The following SPAG16 variants were observed in gnomAD, a reference collection of about 807,000 sequenced individuals.
SPAG16 encodes the protein sperm-associated antigen 16 protein.
A neutral mutation model predicts 80.4 loss-of-function variants in SPAG16; 86 were observed. The ratio of observed to expected loss-of-function variants is 1.07; its 90% CI spans 0.90 to 1.28. The LOEUF (loss-of-function observed/expected upper bound fraction) is 1.28. Ranked by LOEUF, SPAG16 falls within the 50% of genes most tolerant of loss-of-function variation. The pLI is 0.00. For missense variants in SPAG16, 870 were observed against 765.3 expected, an observed-to-expected ratio of 1.14 and a Z score of -1.61; for synonymous variants, 294 against 265.9, an observed-to-expected ratio of 1.11 and a Z score of -1.03.
chr2:214,348,087 A>G (rs1371083983), intron 15 of SPAG16, among the ~76,000 whole-genome samples: 1 of 152,164 alleles, frequency 6.6e-6, no homozygotes, highest in African/African-American at 2.4e-5. Flanking sequence ...GTCTACTGTC[A>G]CTATCTTATG....
At chr2:213,580,415 G>T (rs767005908) in intron 10 of SPAG16, among the ~76,000 whole-genome samples, 1 of 151,998 alleles carries the variant, frequency 6.6e-6, no homozygotes, top group Non-Finnish European at 1.5e-5. Context: ...TGTTATAGGT[G>T]CCTCAACCAT....
intron 10 of SPAG16, among the ~76,000 whole-genome samples, chr2:213,805,577 C>T (rs1217715648): frequency 2.0e-5 from 3 of 152,006 alleles, no homozygotes; most frequent in East Asian, 1.9e-4. Flanking sequence ...CAGAGTTTTC[C>T]TATTATTGAA....
chr2:213,874,997 C>G (rs1042957255), intron 11 of SPAG16, among the ~76,000 whole-genome samples: 3 of 152,148 alleles, frequency 2.0e-5, no homozygotes, highest in South Asian at 2.1e-4. Flanking sequence ...GGTTGGAGTG[C>G]AGTGGTGCAT....
intron 13 of SPAG16, among the ~76,000 whole-genome samples, chr2:214,047,464 T>C (rs1252177701): frequency 6.6e-6 from 1 of 152,106 alleles, no homozygotes; most frequent in Non-Finnish European, 1.5e-5. Context: ...TTTCAATAAA[T>C]GTTGCTGGAA....
chr2:214,038,177 A>C (rs964069082), intron 13 of SPAG16, among the ~76,000 whole-genome samples: 1 of 152,038 alleles, frequency 6.6e-6, no homozygotes, highest in African/African-American at 2.4e-5. Flanking sequence ...TCTATTTTGT[A>C]ATTTCTTTTG....
intron 5 of SPAG16, among the ~76,000 whole-genome samples, chr2:213,330,848 T>C (rs2064067963): frequency 6.6e-6 from 1 of 152,140 alleles, no homozygotes. Context: ...GTGCTGTTCT[T>C]GTGACAGCAA....
At chr2:213,781,201 T>G (rs2069941139) in intron 10 of SPAG16, among the ~76,000 whole-genome samples, 1 of 152,216 alleles carries the variant, frequency 6.6e-6, no homozygotes, top group South Asian at 2.1e-4. Flanking sequence ...CCTCCCCTTT[T>G]TTAGGCGGAT....
At chr2:213,992,182 A>G (rs1013889041) in intron 12 of SPAG16, among the ~76,000 whole-genome samples, 8 of 152,298 alleles carry the variant, frequency 5.3e-5, no homozygotes, top group African/African-American at 1.9e-4. Flanking sequence ...ACTGTTTTCC[A>G]GGAATGCAAC....
chr2:213,729,051 T>C (rs1319426868), intron 10 of SPAG16, among the ~76,000 whole-genome samples: 1 of 152,038 alleles, frequency 6.6e-6, no homozygotes, highest in Non-Finnish European at 1.5e-5. Flanking sequence ...CAATGAAAAA[T>C]TGTTTCAGAA....
intron 15 of SPAG16, among the ~76,000 whole-genome samples, chr2:214,233,734 G>C (rs1045750410): frequency 6.6e-6 from 1 of 151,944 alleles, no homozygotes; most frequent in African/African-American, 2.4e-5. Context: ...AAATTATTTG[G>C]ATAATAATTT....
intron 9 of SPAG16, among the ~76,000 whole-genome samples, chr2:213,469,788 A>T (rs1212475279): frequency 6.6e-6 from 1 of 152,016 alleles, no homozygotes; most frequent in African/African-American, 2.4e-5. Flanking sequence ...GACTGATTTC[A>T]TCTTGATAGT....
intron 15 of SPAG16, among the ~76,000 whole-genome samples, chr2:214,290,939 G>T (rs1453120639): frequency 6.6e-6 from 1 of 152,164 alleles, no homozygotes; most frequent in African/African-American, 2.4e-5. Flanking sequence ...TATTAAAAGT[G>T]CAATTTAAAT....
intron 15 of SPAG16, among the ~76,000 whole-genome samples, chr2:214,371,554 T>C (rs1378947289): frequency 1.3e-5 from 2 of 150,180 alleles, no homozygotes; most frequent in Non-Finnish European, 3.0e-5. Flanking sequence ...AAAAAAATAG[T>C]ATATGTTGCT....
At chr2:213,898,393 C>A (rs1254433326) in intron 11 of SPAG16, among the ~76,000 whole-genome samples, 1 of 152,058 alleles carries the variant, frequency 6.6e-6, no homozygotes, top group Admixed American at 6.6e-5. Context: ...GTTATCAATT[C>A]CTTGGTGAAT....
intron 10 of SPAG16, among the ~76,000 whole-genome samples, chr2:213,564,046 T>C (rs567427051): frequency 2.6e-4 from 39 of 152,316 alleles, no homozygotes; most frequent in South Asian, 1.2e-3. Context: ...AAGCATTCTC[T>C]TGTGTGGATG....
intron 5 of SPAG16, among the ~76,000 whole-genome samples, chr2:213,323,237 A>G (rs533756910): frequency 2.2e-4 from 34 of 152,238 alleles, no homozygotes; most frequent in South Asian, 1.2e-3. Flanking sequence ...TCAGGAGATC[A>G]AGACCATCCT....
chr2:214,235,429 G>A (rs13010455), intron 15 of SPAG16, among the ~76,000 whole-genome samples: 12,377 of 152,058 alleles, frequency 0.081, 630 homozygotes, highest in East Asian at 0.18. Flanking sequence ...TTAATAGAAG[G>A]TAAAGAATTT....
intron 9 of SPAG16, among the ~76,000 whole-genome samples, chr2:213,384,423 A>G (rs2067322812): frequency 6.6e-6 from 1 of 152,178 alleles, no homozygotes; most frequent in Non-Finnish European, 1.5e-5. Flanking sequence ...AGACCTGGGC[A>G]AGCTATATTT....
chr2:214,162,394 G>T (rs561107860), intron 15 of SPAG16, among the ~76,000 whole-genome samples: 1 of 152,100 alleles, frequency 6.6e-6, no homozygotes, highest in Non-Finnish European at 1.5e-5. Context: ...CTGAGATGGG[G>T]ACATATATCC....
Sources: gnomAD v4.1 joint callset for allele counts (sites outside exome capture counted in the v4.1 genomes callset) on GRCh38, gnomAD v4.1.1 for gene constraint, MANE v1.5 for transcripts, NCBI Gene and HGNC (gene_info 2026-07-23, HGNC 2026-07-21) for gene names.